The following SPATA6 variants were observed in gnomAD, a reference collection of about 807,000 sequenced individuals.
SPATA6 encodes the protein spermatogenesis associated 6.
In SPATA6, 56 loss-of-function variants were observed where a neutral mutation model predicts 65.3. That is an observed-to-expected ratio of 0.86 (90% confidence interval 0.69 to 1.07). The LOEUF (loss-of-function observed/expected upper bound fraction) is 1.07, where lower values mean the gene tolerates loss of function less well. SPATA6 is among the 50% of genes least tolerant of loss of function. The pLI, the probability that SPATA6 is intolerant of heterozygous loss-of-function variation, is 0.00. For missense variants in SPATA6, 590 were observed against 594.8 expected, an observed-to-expected ratio of 0.99 and a Z score of 0.08; for synonymous variants, 199 against 213.2, an observed-to-expected ratio of 0.93 and a Z score of 0.58.
intron 8 of SPATA6, among the ~76,000 whole-genome samples, chr1:48,394,996 T>A (rs1446639667): frequency 6.6e-6 from 1 of 152,018 alleles, no homozygotes; most frequent in East Asian, 1.9e-4. Flanking sequence ...AGTCATTTTT[T>A]ACTAGAATAT....
intron 11 of SPATA6, among the ~76,000 whole-genome samples, chr1:48,340,762 A>T (rs924238336): frequency 5.9e-5 from 9 of 152,118 alleles, no homozygotes; most frequent in Non-Finnish European, 1.0e-4. Context: ...ACCTTCTTAT[A>T]TAAGAAACAT....
intron 12 of SPATA6, among the ~76,000 whole-genome samples, chr1:48,304,839 G>A (rs1487356216): frequency 2.0e-5 from 3 of 152,074 alleles, no homozygotes; most frequent in East Asian, 3.9e-4. Flanking sequence ...ACCCAAAATC[G>A]GGATGCTAAT....
intron 5 of SPATA6, among the ~76,000 whole-genome samples, chr1:48,411,165 T>C (rs761380250): frequency 1.3e-5 from 2 of 152,152 alleles, no homozygotes; most frequent in Non-Finnish European, 2.9e-5. Flanking sequence ...GAATGTCAAT[T>C]ACAATTTAAA....
the SPATA6 span, among the ~76,000 whole-genome samples, chr1:48,272,231 T>A: frequency 6.6e-6 from 1 of 152,174 alleles, no homozygotes; most frequent in Non-Finnish European, 1.5e-5. Context: ...TTAGCAAATA[T>A]TAATTATACA....
intron 3 of SPATA6, among the ~76,000 whole-genome samples, chr1:48,443,008 G>A (rs1655668897): frequency 6.6e-6 from 1 of 152,140 alleles, no homozygotes; most frequent in Admixed American, 6.5e-5. Flanking sequence ...ACTCCCTTCA[G>A]GACAGTTCCT....
At chr1:48,392,495 GA>G (rs1650172370) in intron 8 of SPATA6, among the ~76,000 whole-genome samples, 1 of 152,046 alleles carries the variant, frequency 6.6e-6, no homozygotes, top group Non-Finnish European at 1.5e-5. Context: ...CAATGTGCTT[GA>G]AAATTTTATT....
chr1:48,428,449 G>A lies in SPATA6; in HGVS notation c.239-15298C>T, dbSNP rs149231337. Reference sequence around the variant, plus strand: ...GCCTGGGCAACAAGAGCGAAACTCCGTCTCTAATAATAATAATAACATAAA... The same window carrying A: ...GCCTGGGCAACAAGAGCGAAACTCCATCTCTAATAATAATAATAACATAAA... On this transcript the variant is annotated intron_variant, in intron 3 of 12. Transcript: ENST00000371847. 2.8e-3 allele frequency among the ~76,000 whole-genome samples: 422 copies of A among 152,164 alleles called. 1 individual carries two copies. The highest frequency in any genetic ancestry group is 8.5e-3 in the African/African-American group (353 of 41,504).
intron 12 of SPATA6, among the ~76,000 whole-genome samples, chr1:48,299,693 G>A (rs1438994620): frequency 6.6e-6 from 1 of 151,784 alleles, no homozygotes; most frequent in Non-Finnish European, 1.5e-5. Context: ...AAACACAGAC[G>A]TTATTAAATA....
At chr1:48,355,830 A>G in intron 10 of SPATA6, 61 bp from the exon 11 acceptor site, 1 of 1,344,974 alleles carries the variant, frequency 7.4e-7, no homozygotes, top group Non-Finnish European at 1.1e-6. Flanking sequence ...TCTAAGCTAT[A>G]CTATCAAGTT....
intron 3 of SPATA6, among the ~76,000 whole-genome samples, chr1:48,440,508 C>T (rs1324926417): frequency 6.6e-6 from 1 of 152,152 alleles, no homozygotes; most frequent in African/African-American, 2.4e-5. Flanking sequence ...CAGTCAGCAA[C>T]CCATCCCCAG....
At chr1:48,283,140 A>C in the SPATA6 span, among the ~76,000 whole-genome samples, 1 of 135,162 alleles carries the variant, frequency 7.4e-6, no homozygotes, top group South Asian at 2.4e-4. Context: ...CAATGAGAAC[A>C]CATGGACACA....
At chr1:48,372,179 C>T (rs1647353150) in intron 9 of SPATA6, among the ~76,000 whole-genome samples, 1 of 152,132 alleles carries the variant, frequency 6.6e-6, no homozygotes, top group Non-Finnish European at 1.5e-5. Context: ...TCCAAAGTCT[C>T]ATCTGAGACA....
the SPATA6 span, among the ~76,000 whole-genome samples, chr1:48,280,635 A>T: frequency 6.6e-6 from 1 of 152,230 alleles, no homozygotes; most frequent in Admixed American, 6.5e-5. Context: ...TAAACCAGGA[A>T]GAAATTGACT....
At chr1:48,362,926 T>C (rs1401397285) in intron 9 of SPATA6, among the ~76,000 whole-genome samples, 5 of 152,162 alleles carry the variant, frequency 3.3e-5, no homozygotes, top group African/African-American at 1.2e-4. Flanking sequence ...GTATTCAAGA[T>C]TTATTAAGCA....
rs192480172 is a variant in SPATA6, at chr1:48,406,270, C to T, written c.406-2388G>A. ...AAGAATCCCTTGTTCATCAGTAAACCTCAGATTTTCCTCTTCAGGTCTTCA... is the reference window on the plus strand; with the variant it reads ...AAGAATCCCTTGTTCATCAGTAAACTTCAGATTTTCCTCTTCAGGTCTTCA... On this transcript the variant is annotated intron_variant, in intron 5 of 12. Coordinates refer to ENST00000371847, the MANE Select transcript of SPATA6 (RefSeq NM_019073.4). Among the ~76,000 whole-genome samples, 5 of 152,188 alleles carry T rather than the reference C, an allele frequency of 3.3e-5. No individual in the cohort carries two copies. The East Asian group carries it at 9.7e-4, about 29-fold the overall frequency.
In SPATA6 at chr1:48,395,342, T is replaced by C; in HGVS notation, c.793A>G (p.Ser265Gly). The stretch of plus-strand genomic sequence containing the variant: ...CCCAATAAAGTATCAGCCCTGGGAC[T>C]TGGGGGATCAACCTAGAGGAAGCAG... ...PFVIRHVDPP[S>G]PRADTLLGSS... The change falls in exon 8 of 13, where the codon AGT (serine) becomes GGT (glycine). Residue 265 changes from serine to glycine, a missense_variant. By Grantham distance (56) the Ser-to-Gly change is moderately conservative. Coordinates refer to ENST00000371847, the MANE Select transcript of SPATA6 (RefSeq NM_019073.4). The C allele has an allele frequency of 6.4e-7, 1 of 1,556,084 alleles. No individual in the cohort carries two copies. Among genetic ancestry groups the C allele is most frequent in the Non-Finnish European group, 8.7e-7 (1 of 1,150,416 alleles).
intron 11 of SPATA6, among the ~76,000 whole-genome samples, chr1:48,323,961 T>A (rs773001682): frequency 6.6e-6 from 1 of 152,192 alleles, no homozygotes; most frequent in African/African-American, 2.4e-5. Context: ...GTTGTTATTT[T>A]ATTTTTGAGA....
At chr1:48,319,474 C>T (rs1456614868) in intron 11 of SPATA6, among the ~76,000 whole-genome samples, 2 of 151,996 alleles carry the variant, frequency 1.3e-5, no homozygotes, top group African/African-American at 2.4e-5. Context: ...ATCAAAATAG[C>T]AAGGAAATGC....
chr1:48,354,766 T>G (rs540335013), intron 11 of SPATA6, among the ~76,000 whole-genome samples: 1 of 151,906 alleles, frequency 6.6e-6, no homozygotes, highest in African/African-American at 2.4e-5. Flanking sequence ...ATGTTTACAC[T>G]TGGAATAGCA....
Sources: gnomAD v4.1 joint callset for allele counts (sites outside exome capture counted in the v4.1 genomes callset) on GRCh38, gnomAD v4.1.1 for gene constraint, MANE v1.5 for transcripts, NCBI Gene and HGNC (gene_info 2026-07-23, HGNC 2026-07-21) for gene names.